Variants in ZBBX observed in about 807,000 individuals in gnomAD.
ZBBX encodes zinc finger B-box domain containing.
A neutral mutation model predicts 108.5 loss-of-function variants in ZBBX; 101 were observed. The ratio of observed to expected loss-of-function variants is 0.93; its 90% CI spans 0.79 to 1.10. The LOEUF (loss-of-function observed/expected upper bound fraction) is 1.10. Among genes scored for constraint, ZBBX ranks in the 50% least tolerant of loss-of-function variants. The pLI is 0.00. For synonymous variants in ZBBX, 356 were observed against 323.4 expected (o/e 1.10, Z -1.08); for missense variants, 1,009 against 941.4 (o/e 1.07, Z -0.94).
Position 167,269,882 on chromosome 3 carries a change from C to T in ZBBX, c.2254+12356G>A, listed in dbSNP as rs144769885. ...CAAAGCATGCTTTCTGGGCATGTCC[C>T]CTAGCTGAAGATAGCTGAGGCACAT... On this transcript the variant is annotated intron_variant, in intron 20 of 21. Coordinates refer to ENST00000675490, the MANE Select transcript of ZBBX (RefSeq NM_001199201.2). 1.3e-3 allele frequency among the ~76,000 whole-genome samples: 200 copies of T among 152,252 alleles called. 1 individual carries two copies. The highest frequency in any genetic ancestry group is 4.6e-3 in the African/African-American group (193 of 41,546).
intron 20 of ZBBX, among the ~76,000 whole-genome samples, chr3:167,272,342 C>T (rs1726674759): frequency 6.6e-6 from 1 of 152,188 alleles, no homozygotes; most frequent in African/African-American, 2.4e-5. Flanking sequence ...ATGGTACAGG[C>T]ACCACTCCTA....
At chr3:167,179,070 C>T in the ZBBX span, among the ~76,000 whole-genome samples, 1 of 152,084 alleles carries the variant, frequency 6.6e-6, no homozygotes, top group Non-Finnish European at 1.5e-5. Flanking sequence ...ATGCCCATCA[C>T]CGAGAAACAC....
intron 10 of ZBBX, 126 bp from the exon 11 acceptor site, chr3:167,328,242 G>C: frequency 1.1e-6 from 1 of 936,758 alleles, no homozygotes; most frequent in Admixed American, 2.8e-5. Context: ...TCACAAATCA[G>C]ACTTTTTAAA....
At chr3:167,401,377 A>T (rs981654287) in intron 1 of ZBBX, 1 of 152,146 alleles carries the variant, frequency 6.6e-6, no homozygotes, top group Non-Finnish European at 1.5e-5. Context: ...GGGCTCTTGG[A>T]TCTCGTGTAA....
the ZBBX span, among the ~76,000 whole-genome samples, chr3:167,234,014 C>T: frequency 6.6e-6 from 1 of 151,714 alleles, no homozygotes; most frequent in African/African-American, 2.4e-5. Flanking sequence ...TTTTGTTCAG[C>T]AATTCAGTCT....
At chr3:167,400,962 A>G (rs2108643044) in intron 1 of ZBBX, among the ~76,000 whole-genome samples, 1 of 152,256 alleles carries the variant, frequency 6.6e-6, no homozygotes, top group Admixed American at 6.5e-5. Flanking sequence ...GTTTGCCCTA[A>G]GCAGTTCCCA....
chr3:167,272,312 C>G (rs1665402823), intron 20 of ZBBX, among the ~76,000 whole-genome samples: 1 of 152,194 alleles, frequency 6.6e-6, no homozygotes, highest in African/African-American at 2.4e-5. Context: ...ACCTTCTCTT[C>G]TCTTAAAGCC....
the ZBBX span, among the ~76,000 whole-genome samples, chr3:167,192,415 G>T: frequency 5.0e-3 from 754 of 152,144 alleles, 4 homozygotes; most frequent in Non-Finnish European, 9.0e-3. Flanking sequence ...TGAATAAAAA[G>T]GATTTTCCTC....
At chr3:167,341,406 T>G (rs1419361423) in intron 9 of ZBBX, among the ~76,000 whole-genome samples, 1 of 151,712 alleles carries the variant, frequency 6.6e-6, no homozygotes, top group East Asian at 1.9e-4. Flanking sequence ...TCAAATCCAG[T>G]TAAAATATTT....
intron 2 of ZBBX, among the ~76,000 whole-genome samples, chr3:167,378,737 C>G (rs1040874066): frequency 1.3e-5 from 2 of 152,114 alleles, no homozygotes; most frequent in Admixed American, 1.3e-4. Context: ...CTTAGCATCT[C>G]TGCTTTCATC....
At chr3:167,285,572 T>C (rs1043946106) in intron 19 of ZBBX, among the ~76,000 whole-genome samples, 10 of 152,170 alleles carry the variant, frequency 6.6e-5, no homozygotes, top group African/African-American at 2.2e-4. Flanking sequence ...AAGAATGTTA[T>C]TGTGTTATCT....
intron 20 of ZBBX, among the ~76,000 whole-genome samples, chr3:167,254,331 C>T (rs1389972263): frequency 6.6e-6 from 1 of 152,014 alleles, no homozygotes; most frequent in African/African-American, 2.4e-5. Context: ...GCTAGTGAAC[C>T]GGGTACAGTG....
chr3:167,300,053 C>G (rs114352230), intron 17 of ZBBX, among the ~76,000 whole-genome samples: 1,907 of 152,200 alleles, frequency 0.013, 40 homozygotes, highest in African/African-American at 0.044. Flanking sequence ...TCAGGGAGAA[C>G]CTTTGGCACT....
At chr3:167,360,138 A>AATATATGTATATATGTATACATATATTAT (rs1397825686) in intron 7 of ZBBX, among the ~76,000 whole-genome samples, 159 bp from the exon 8 acceptor site, 1 of 148,168 alleles carries the variant, frequency 6.7e-6, no homozygotes, top group East Asian at 1.9e-4. Context: ...ATTCATAATA[A>AATATATGTATATATGTATACATATATTAT]ATATATGTAT....
chr3:167,380,501 TA>T (rs1426581212), upstream of ZBBX: 6 of 152,122 alleles, frequency 3.9e-5, no homozygotes, highest in African/African-American at 1.4e-4. Context: ...TCTTGGAGAT[TA>T]TGTATGTGCT....
At chr3:167,200,080 G>A in the ZBBX span, among the ~76,000 whole-genome samples, 1 of 152,044 alleles carries the variant, frequency 6.6e-6, no homozygotes, top group Non-Finnish European at 1.5e-5. Flanking sequence ...GTGTCTGTCT[G>A]TCTATGTCTC....
Position 167,317,018 on chromosome 3 carries a change from ACTATCTTTAGAG to A in ZBBX, c.1169_1180del (p.Ser390_Val394delinsPhe). On this transcript the variant is annotated inframe_deletion, in exon 14 of 22. Transcript: ENST00000675490. ...TTATGCACTTACATCATCCAGTTCG[ACTATCTTTAGAG>A]ATGGTTCAGGTCTCTCTATGTTTAA... 1.3e-6 allele frequency: 2 copies of A among 1,599,272 alleles called. No homozygotes were observed. Among genetic ancestry groups the A allele is most frequent in the Non-Finnish European group, 1.7e-6 (2 of 1,170,148 alleles).
the ZBBX span, among the ~76,000 whole-genome samples, chr3:167,232,689 A>C: frequency 6.6e-6 from 1 of 151,778 alleles, no homozygotes; most frequent in African/African-American, 2.4e-5. Context: ...ATTTCACTTC[A>C]GAGCTTGTTA....
chr3:167,372,823 T>C lies in ZBBX; in HGVS notation c.68+11A>G, dbSNP rs1457841958. 1 of 1,331,242 alleles carries C rather than the reference T, an allele frequency of 7.5e-7. No individual in the cohort carries two copies. Among genetic ancestry groups the C allele is most frequent in the Non-Finnish European group, 1.1e-6 (1 of 938,998 alleles). The allele number at this position is 1,331,242 out of a possible 1,614,324, so 82.5% of individuals were successfully genotyped here. The stretch of plus-strand genomic sequence containing the variant: ...CTATTCCTATTAAGAAATAAATATA[T>C]ATGAACTCACCTATATTTTAGCTTT... On this transcript the variant is annotated intron_variant, in intron 4 of 21. Coordinates refer to ENST00000675490, the MANE Select transcript of ZBBX (RefSeq NM_001199201.2).
Sources: allele counts gnomAD v4.1 joint callset (sites outside exome capture counted in the v4.1 genomes callset), GRCh38; gene constraint gnomAD v4.1.1; transcripts MANE v1.5; gene names NCBI Gene and HGNC (gene_info 2026-07-23, HGNC 2026-07-21).